Variants in PYGM observed in about 807,000 individuals in gnomAD.
The protein encoded by PYGM is glycogen phosphorylase, muscle form.
A neutral mutation model predicts 99.3 loss-of-function variants in PYGM; 81 were observed. That is an observed-to-expected ratio of 0.82 (90% confidence interval 0.68 to 0.98). The LOEUF is 0.98. Ranked by LOEUF, PYGM falls within the 50% of genes least tolerant of loss-of-function variation. The probability of loss-of-function intolerance (pLI) is 0.00; values close to 1 mark genes in which losing one functional copy is unlikely to be tolerated. For missense variants in PYGM, 1,030 were observed against 1,158.1 expected, an observed-to-expected ratio of 0.89 and a Z score of 1.61; for synonymous variants, 436 against 451.5, an observed-to-expected ratio of 0.97 and a Z score of 0.44.
At chr11:64,751,167 C>T (rs2058353147) in intron 16 of PYGM, 158 bp downstream of exon 16, 4 of 1,135,252 alleles carry the variant, frequency 3.5e-6, no homozygotes, top group Non-Finnish European at 5.1e-6. Flanking sequence ...GCTGGGATTA[C>T]AGGCATGGGC....
chr11:64,758,668 G>A lies in PYGM; in HGVS notation c.280C>T (p.Arg94Trp), dbSNP rs370247862. 3.0e-5 allele frequency: 48 copies of A among 1,612,646 alleles called. No individual in the cohort carries two copies. Among genetic ancestry groups the A allele is most frequent in the Admixed American group, 6.7e-5 (4 of 59,990 alleles). Residue 94 changes from arginine to tryptophan, a missense_variant, in exon 2 of 20, where the codon CGG becomes TGG. Transcript: ENST00000164139. ...YYLSLEFYMGRTLQNTMVNLA... is the reference protein window; with the variant it reads ...YYLSLEFYMGWTLQNTMVNLA... ...TTCACCATGGTGTTCTGTAGCGTCCGTCCCATATAGAACTCTAAAGACAGG... is the reference window on the plus strand; with the variant it reads ...TTCACCATGGTGTTCTGTAGCGTCCATCCCATATAGAACTCTAAAGACAGG...
chr11:64,753,891 C>A lies in PYGM; in HGVS notation c.1227G>T (p.Gln409His). The A allele has an allele frequency of 6.3e-7, 1 of 1,579,700 alleles. No individual in the cohort carries two copies. The highest frequency in any genetic ancestry group is 8.6e-7 in the Non-Finnish European group (1 of 1,162,348). ...CCTCCGGACTCACGTTGAGGAAGCG[C>A]TGGTTGATCTCGTAGATGATCTGGA... ...RHLQIIYEIN[Q>H]RFLNRVAAAF... Residue 409 changes from glutamine (Q) to histidine (H), a missense_variant, in exon 10 of 20, where the codon CAG becomes CAT. By Grantham distance (24) the Gln-to-His change is conservative. Transcript: ENST00000164139.
At chr11:64,747,098 G>T (rs1027055126) in intron 18 of PYGM, 111 bp from the exon 19 acceptor site, 23 of 1,567,890 alleles carry the variant, frequency 1.5e-5, no homozygotes, top group Non-Finnish European at 1.9e-5. Context: ...GACCTAGAGG[G>T]TCATGCTGCT....
intron 13 of PYGM, 92 bp from the exon 14 acceptor site, chr11:64,752,163 A>AC: frequency 6.4e-7 from 1 of 1,564,828 alleles, no homozygotes; most frequent in Non-Finnish European, 8.8e-7. Flanking sequence ...GAGGATGGCT[A>AC]CCAGGAGGCT....
intron 17 of PYGM, chr11:64,747,590 G>A: frequency 1.8e-6 from 1 of 564,868 alleles, no homozygotes. Flanking sequence ...AGAAAGCTAA[G>A]TGTTAGAGCC....
intron 17 of PYGM, among the ~76,000 whole-genome samples, chr11:64,749,702 T>C (rs914502201): frequency 6.6e-6 from 1 of 151,982 alleles, no homozygotes; most frequent in African/African-American, 2.4e-5. Context: ...GCCAGGATAA[T>C]GTCTTCTCTG....
chr11:64,754,743 A>C lies in PYGM; in HGVS notation c.949T>G (p.Phe317Val), dbSNP rs759517845. The change falls in exon 8 of 20, where the codon TTC becomes GTC. Residue 317 changes from phenylalanine to valine, a missense_variant. By Grantham distance (50) the Phe-to-Val change is conservative. Coordinates refer to ENST00000164139, the MANE Select transcript of PYGM (RefSeq NM_005609.4). This position sits in a 1 kb window ranked among gnomAD's most constrained non-coding sequence, Gnocchi z 5.5. Reference sequence around the variant, plus strand: ...GTGCGCACGGGATCACGGCAGCCGAACTTGGAAGACTTGAAGCGACGGATG... The same window carrying C: ...GTGCGCACGGGATCACGGCAGCCGACCTTGGAAGACTTGAAGCGACGGATG... ...DIIRRFKSSK[F>V]GCRDPVRTNF... The C allele has an allele frequency of 6.2e-7, 1 of 1,613,880 alleles. No individual in the cohort carries two copies. The highest frequency in any genetic ancestry group is 2.2e-5 in the East Asian group (1 of 44,882).
intron 5 of PYGM, among the ~76,000 whole-genome samples, chr11:64,756,554 G>A (rs559105611): frequency 6.6e-6 from 1 of 152,260 alleles, no homozygotes; most frequent in South Asian, 2.1e-4. Flanking sequence ...GGATTCAAGC[G>A]ATTCTCTGGC....
chr11:64,751,882 CG>C, intron 14 of PYGM, 41 bp downstream of exon 14: 1 of 1,612,732 alleles, frequency 6.2e-7, no homozygotes, highest in Non-Finnish European at 8.5e-7. Context: ...CGCAGGAACA[CG>C]GGGGAGCACT....
Position 64,746,929 on chromosome 11 carries a change from A to G in PYGM, c.2371T>C (p.Leu791=). 3 of 1,614,168 alleles carry G rather than the reference A, an allele frequency of 1.9e-6. No homozygotes were observed. Among genetic ancestry groups the G allele is most frequent in the Non-Finnish European group, 1.7e-6 (2 of 1,180,018 alleles). Residue 791 remains leucine (L), a synonymous_variant, in exon 19 of 20, where the codon TTG becomes CTG. Transcript: ENST00000164139. ...YIKCQEKVSA[L]YKNPREWTRM... ...GGCCCAGGACCCCTCACCTTGTACA[A>G]GGCGCTGACTTTCTCCTGGCATTTA...
chr11:64,747,197 G>T, intron 18 of PYGM, 27 bp downstream of exon 18: 1 of 1,612,986 alleles, frequency 6.2e-7, no homozygotes, highest in South Asian at 1.1e-5. Context: ...GGCCCCACCT[G>T]AGTGATTCCC....
At chr11:64,753,797 C>A (rs2058374216) in intron 10 of PYGM, 82 bp downstream of exon 10, 1 of 1,545,838 alleles carries the variant, frequency 6.5e-7, no homozygotes, top group African/African-American at 1.4e-5. Flanking sequence ...GTCTCAGGGC[C>A]CTGGCTGGAC....
rs372295369 is a variant in PYGM at position 64,746,777 on chromosome 11, C to G, written c.2411G>C (p.Arg804Pro). 6.2e-7 allele frequency: 1 copy of G among 1,614,124 alleles called. No individual in the cohort carries two copies. Among genetic ancestry groups the G allele is most frequent in the South Asian group, 1.1e-5 (1 of 91,088 alleles). ...GAACTTGCCAGAGGTGGCTATGTTC[C>G]GGATCACCATCCGCGTCCACTCTCT... ...NPREWTRMVI[R>P]NIATSGKFSS... Residue 804 changes from arginine to proline, a missense_variant, in exon 20 of 20, where the codon CGG (arginine) becomes CCG (proline). Physicochemically the swap from Arg to Pro is moderately radical, Grantham distance 103. Coordinates refer to ENST00000164139, the MANE Select transcript of PYGM (RefSeq NM_005609.4).
Position 64,758,247 on chromosome 11 carries a change from T to G in PYGM, c.527A>C (p.Gln176Pro), listed in dbSNP as rs747495987. ...IFNQKISGGW[Q>P]MEEADDWLRY... ...CAAGTTAGAGCCAAGGCTGCTCACC[T>G]GCCAGCCCCCGGAGATCTTCTGGTT... The change falls in exon 4 of 20, where the codon CAG (glutamine) becomes CCG (proline). Residue 176 changes from glutamine to proline, a missense_variant and splice_region_variant. Physicochemically the swap from Gln to Pro is moderately conservative, Grantham distance 76. Transcript: ENST00000164139. 8 of 1,610,944 alleles carry G rather than the reference T, an allele frequency of 5.0e-6. No homozygotes were observed. In the African/African-American group the frequency reaches 9.3e-5, roughly 19 times the overall value.
In PYGM at chr11:64,746,815, G is replaced by A. The variant is rs769601153; in HGVS notation, c.2380-7C>T. ...GCGTCCACTCTCTTGGGTTCTGCAG[G>A]TCAAAGGGAAGCTCTGGTTCACTCT... On this transcript the variant is annotated splice_polypyrimidine_tract_variant and splice_region_variant and intron_variant, in intron 19 of 19. Transcript: ENST00000164139. The A allele has an allele frequency of 1.9e-6, 3 of 1,614,034 alleles. No homozygotes were observed. Among genetic ancestry groups the A allele is most frequent in the African/African-American group, 2.7e-5 (2 of 74,910 alleles).
At chr11:64,760,512 C>T (rs2058427926), upstream of PYGM, among the ~76,000 whole-genome samples, 1 of 152,270 alleles carries the variant, frequency 6.6e-6, no homozygotes, top group Non-Finnish European at 1.5e-5. Context: ...AGCTGAGCAG[C>T]TCTAGGCTCC....
At chr11:64,753,489 G>C (rs2058370583) in intron 11 of PYGM, 30 bp downstream of exon 11, 1 of 1,560,236 alleles carries the variant, frequency 6.4e-7, no homozygotes, top group Non-Finnish European at 8.6e-7. Context: ...GGGGCCTAGA[G>C]AGGGGCGGGA....
intron 16 of PYGM, chr11:64,751,118 C>T: frequency 1.5e-6 from 1 of 656,360 alleles, no homozygotes. Context: ...TCTCGAACTC[C>T]TGACCTCAGG....
chr11:64,758,719 G>C lies in PYGM; in HGVS notation c.244-15C>G, dbSNP rs572045103. 5 of 1,574,230 alleles carry C rather than the reference G, an allele frequency of 3.2e-6. No homozygotes were observed. The African/African-American group carries it at 5.4e-5, about 17-fold the overall frequency. On this transcript the variant is annotated splice_polypyrimidine_tract_variant and intron_variant, in intron 1 of 19. Coordinates refer to ENST00000164139, the MANE Select transcript of PYGM (RefSeq NM_005609.4). ...TAGTAGATCCTCTGCCCAGAGAGAC[G>C]GATGGGCAGGGAATGGGGTCAGGGC...
Sources: gnomAD v4.1 joint callset for allele counts (sites outside exome capture counted in the v4.1 genomes callset) on GRCh38, gnomAD v4.1.1 for gene constraint, Gnocchi (gnomAD v3.1) non-coding constraint, MANE v1.5 for transcripts, NCBI Gene and HGNC (gene_info 2026-07-23, HGNC 2026-07-21) for gene names.